Variants in ZNF618 observed in about 807,000 individuals in gnomAD.
ZNF618 encodes the protein zinc finger protein 618.
A neutral mutation model predicts 103.0 loss-of-function variants in ZNF618; 34 were observed. The ratio of observed to expected loss-of-function variants is 0.33; its 90% CI spans 0.25 to 0.44. The LOEUF (loss-of-function observed/expected upper bound fraction) is 0.44, where lower values mean the gene tolerates loss of function less well. Among genes scored for constraint, ZNF618 ranks in the 20% least tolerant of loss-of-function variants. The probability of loss-of-function intolerance (pLI) is 1.00; values close to 1 mark genes in which losing one functional copy is unlikely to be tolerated. For missense variants in ZNF618, 1,059 were observed against 1,295.4 expected, an observed-to-expected ratio of 0.82 and a Z score of 2.80; for synonymous variants, 551 against 542.2, an observed-to-expected ratio of 1.02 and a Z score of -0.23.
At chr9:113,991,560 A>G (rs1840057554) in intron 3 of ZNF618, among the ~76,000 whole-genome samples, 1 of 152,240 alleles carries the variant, frequency 6.6e-6, no homozygotes, top group South Asian at 2.1e-4. Context: ...ACTAATATTA[A>G]CAGTATAAAA....
At chr9:113,960,707 C>G (rs1273642563) in intron 1 of ZNF618, among the ~76,000 whole-genome samples, 2 of 152,218 alleles carry the variant, frequency 1.3e-5, no homozygotes, top group African/African-American at 4.8e-5. Context: ...TCTCTGGGGC[C>G]TCCTGCGGAG....
At chr9:113,922,699 T>C (rs1438416792) in intron 1 of ZNF618, among the ~76,000 whole-genome samples, 2 of 152,236 alleles carry the variant, frequency 1.3e-5, no homozygotes, top group African/African-American at 2.4e-5. Flanking sequence ...TCTTGTTTAC[T>C]GTACCTTTAT....
intron 1 of ZNF618, among the ~76,000 whole-genome samples, chr9:113,905,696 C>T (rs1402721091): frequency 1.3e-5 from 2 of 152,200 alleles, no homozygotes; most frequent in Non-Finnish European, 2.9e-5. Context: ...AGGTGCTTTC[C>T]TTATACACAT....
intron 1 of ZNF618, among the ~76,000 whole-genome samples, chr9:113,905,146 C>G (rs115170685): frequency 1.6e-4 from 24 of 152,194 alleles, no homozygotes; most frequent in African/African-American, 5.8e-4. Context: ...CTTGGCTTAC[C>G]GTAACCTCTG....
intron 1 of ZNF618, among the ~76,000 whole-genome samples, chr9:113,967,448 C>T (rs761634032): frequency 9.2e-5 from 14 of 152,200 alleles, no homozygotes; most frequent in Non-Finnish European, 1.6e-4. Context: ...CCTCCCTATT[C>T]GTCCTTAACC....
Position 114,048,910 on chromosome 9 carries a change from A to G in ZNF618, c.1608A>G (p.Lys536=). Reference sequence around the variant, plus strand: ...GCATGTACAACCAGGTGAAGGTGAAAGTGACCTGTGCCTTGGGCAGCAATG... The same window carrying G: ...GCATGTACAACCAGGTGAAGGTGAAGGTGACCTGTGCCTTGGGCAGCAATG... ...LPRMYNQVKV[K]VTCALGSNAC... The change falls in exon 15 of 15, where the codon AAA becomes AAG. Residue 536 remains lysine (K), a synonymous_variant. Transcript: ENST00000374126. The G allele has an allele frequency of 1.2e-6, 2 of 1,608,904 alleles. No individual in the cohort carries two copies. The highest frequency in any genetic ancestry group is 1.7e-6 in the Non-Finnish European group (2 of 1,177,622).
rs1366948530 is a variant in ZNF618, at chr9:113,969,167, TC to T, written c.77+10del. ...GGAAAAGCACTGCGAGCAGGTACACTCCCTCTCCCGCCCCCAGCTTGTCCAC... is the reference window on the plus strand; with the variant it reads ...GGAAAAGCACTGCGAGCAGGTACACTCCTCTCCCGCCCCCAGCTTGTCCAC... On this transcript the variant is annotated splice_region_variant and intron_variant, in intron 2 of 14. Transcript: ENST00000374126. The T allele has an allele frequency of 6.2e-7, 1 of 1,613,870 alleles. No individual in the cohort carries two copies. The highest frequency in any genetic ancestry group is 1.7e-5 in the Admixed American group (1 of 60,008).
intron 1 of ZNF618, among the ~76,000 whole-genome samples, chr9:113,943,646 A>C (rs1298534247): frequency 6.6e-6 from 1 of 152,038 alleles, no homozygotes; most frequent in East Asian, 1.9e-4. Flanking sequence ...AAAACCTCCC[A>C]AAATTTCAAA....
At chr9:113,955,717 G>A (rs986013020) in intron 1 of ZNF618, among the ~76,000 whole-genome samples, 2 of 151,434 alleles carry the variant, frequency 1.3e-5, no homozygotes, top group African/African-American at 4.8e-5. Context: ...TTGCCCTTCT[G>A]TAATTATTTC....
At chr9:113,899,519 T>A (rs1198236250) in intron 1 of ZNF618, among the ~76,000 whole-genome samples, 1 of 152,162 alleles carries the variant, frequency 6.6e-6, no homozygotes, top group African/African-American at 2.4e-5. Flanking sequence ...CTATTGTGAA[T>A]TGTGCACACG....
At position 114,054,305 on chromosome 9, in the gene ZNF618, A is replaced by T. The variant is rs1846323442; in HGVS notation, c.*4138A>T. 6.6e-6 allele frequency: 1 copy of T among 152,296 alleles called. No homozygotes were observed. Among genetic ancestry groups the T allele is most frequent in the South Asian group, 2.1e-4 (1 of 4,826 alleles). 9.4% of individuals were successfully genotyped at this position (152,296 alleles called of 1,614,324 possible). A position where few individuals can be genotyped will look rare whatever the true frequency, so the allele number is the denominator to read the frequency against. On this transcript the variant is annotated 3_prime_UTR_variant, in exon 15 of 15. Coordinates refer to ENST00000374126, the MANE Select transcript of ZNF618 (RefSeq NM_001318042.2). Reference sequence around the variant, plus strand: ...GTCATTGGGAAGGTTTGAAATGAAGATGGGATGTGGCTGGAACAGCCTGTG... The same window carrying T: ...GTCATTGGGAAGGTTTGAAATGAAGTTGGGATGTGGCTGGAACAGCCTGTG...
intron 1 of ZNF618, among the ~76,000 whole-genome samples, chr9:113,903,043 C>T (rs1830691319): frequency 6.6e-6 from 1 of 152,128 alleles, no homozygotes; most frequent in Admixed American, 6.5e-5. Context: ...TTGAAAGAAG[C>T]AAAAGGAATG....
chr9:113,888,001 A>G (rs1829236184), intron 1 of ZNF618, among the ~76,000 whole-genome samples: 1 of 151,948 alleles, frequency 6.6e-6, no homozygotes. Context: ...TTCAATATCT[A>G]TTATCTCATT....
intron 1 of ZNF618, among the ~76,000 whole-genome samples, chr9:113,884,756 T>G (rs1174990511): frequency 2.0e-5 from 3 of 147,834 alleles, no homozygotes; most frequent in African/African-American, 7.6e-5. Context: ...TTTCCTTCCT[T>G]ATCGAGACAC....
chr9:113,947,692 G>T (rs769670887), intron 1 of ZNF618, among the ~76,000 whole-genome samples: 2 of 152,172 alleles, frequency 1.3e-5, no homozygotes, highest in African/African-American at 4.8e-5. Context: ...ATTTCCCCGA[G>T]GCCAGACCAG....
intron 3 of ZNF618, among the ~76,000 whole-genome samples, chr9:113,988,843 C>G (rs758244466): frequency 6.6e-6 from 1 of 152,212 alleles, no homozygotes. Flanking sequence ...ATGCCTGGAA[C>G]CTTCCGGGGG....
intron 13 of ZNF618, among the ~76,000 whole-genome samples, chr9:114,047,305 A>C (rs760115724): frequency 3.3e-5 from 5 of 152,224 alleles, no homozygotes; most frequent in Non-Finnish European, 5.9e-5. Context: ...ATCTTGGGCA[A>C]ATCTTTTCTT....
Position 113,988,335 on chromosome 9 carries a change from G to T in ZNF618, c.92G>T (p.Arg31Leu). The change falls in exon 3 of 15, where the codon CGC (arginine) becomes CTC (leucine). Residue 31 changes from arginine to leucine, a missense_variant. Transcript: ENST00000374126. ...KSTASRERLK[R>L]SQKSTKVEGP... ...TTCTTTCCCAGGGAGCGCTTGAAGC[G>T]CAGCCAGAAGAGCACCAAGGTGGAG... The T allele has an allele frequency of 4.3e-6, 7 of 1,612,184 alleles. No individual in the cohort carries two copies. Among genetic ancestry groups the T allele is most frequent in the Non-Finnish European group, 5.9e-6 (7 of 1,179,438 alleles).
chr9:114,037,016 C>T (rs1041769862), intron 13 of ZNF618, among the ~76,000 whole-genome samples: 4 of 152,196 alleles, frequency 2.6e-5, no homozygotes, highest in African/African-American at 7.2e-5. Context: ...GTTCAGGGAC[C>T]GCCCTTTGAG....
Sources: allele counts gnomAD v4.1 joint callset (sites outside exome capture counted in the v4.1 genomes callset), GRCh38; gene constraint gnomAD v4.1.1; transcripts MANE v1.5; gene names NCBI Gene and HGNC (gene_info 2026-07-23, HGNC 2026-07-21).